The following ENPP1 variants were observed in gnomAD, a reference collection of about 807,000 sequenced individuals.
ENPP1 encodes ectonucleotide pyrophosphatase/phosphodiesterase 1.
ENPP1 carries 73 observed loss-of-function variants against 122.8 expected under a neutral mutation model. The ratio of observed to expected loss-of-function variants is 0.59; its 90% CI spans 0.49 to 0.72. The LOEUF (loss-of-function observed/expected upper bound fraction) is 0.72. ENPP1 is among the 30% of genes least tolerant of loss of function. The probability of loss-of-function intolerance (pLI) is 0.00; values close to 1 mark genes in which losing one functional copy is unlikely to be tolerated. For synonymous variants in ENPP1, 367 were observed against 391.6 expected, an observed-to-expected ratio of 0.94 and a Z score of 0.74; for missense variants, 978 against 1,128.1, an observed-to-expected ratio of 0.87 and a Z score of 1.91.
At chr6:131,855,974 C>T in intron 6 of ENPP1, among the ~76,000 whole-genome samples, 1 of 151,886 alleles carries the variant, frequency 6.6e-6, no homozygotes, top group East Asian at 1.9e-4. Context: ...TATTGCTTAC[C>T]AGATTTGAGT....
Position 131,886,591 on chromosome 6 carries a change from T to C in ENPP1, c.2474T>C (p.Ile825Thr). Residue 825 changes from isoleucine to threonine, a missense_variant, in exon 24 of 25, where the codon ATT (isoleucine) becomes ACT (threonine). By Grantham distance (89) the Ile-to-Thr change is moderately conservative. Coordinates refer to ENST00000647893, the MANE Select transcript of ENPP1 (RefSeq NM_006208.3). ...AGAAGAGTCATCCGTAACCAAGAAA[T>C]TTTGATTCCAACTCACTTCTTTATT... is the stretch of plus-strand genomic sequence containing the variant. ...QKRRVIRNQE[I>T]LIPTHFFIVL... The C allele has an allele frequency of 6.2e-7, 1 of 1,613,844 alleles. No homozygotes were observed. The highest frequency in any genetic ancestry group is 8.5e-7 in the Non-Finnish European group (1 of 1,179,752).
intron 23 of ENPP1, 80 bp downstream of exon 23, chr6:131,885,143 G>A (rs1339526767): frequency 7.1e-6 from 10 of 1,406,176 alleles, no homozygotes; most frequent in Non-Finnish European, 1.0e-5. Context: ...TGAGTCAACA[G>A]AACCTTTTTT....
At chr6:131,824,930 C>T (rs9375829) in intron 1 of ENPP1, among the ~76,000 whole-genome samples, 14,082 of 152,050 alleles carry the variant, frequency 0.093, 774 homozygotes, top group South Asian at 0.22. Flanking sequence ...TGTCGTGGCA[C>T]ACACCTGTAA....
rs529312291 is a variant in ENPP1 at position 131,891,094 on chromosome 6, T to C, written c.*583T>C. The stretch of plus-strand genomic sequence containing the variant: ...TCCAAGTTATTAATCTTATGTGTTT[T>C]CTTTTTAATTTTTTGATTGGATTTC... On this transcript the variant is annotated 3_prime_UTR_variant, in exon 25 of 25. Coordinates refer to ENST00000647893, the MANE Select transcript of ENPP1 (RefSeq NM_006208.3). The C allele has an allele frequency of 3.3e-5, 5 of 152,638 alleles. No individual in the cohort carries two copies. Among genetic ancestry groups the C allele is most frequent in the South Asian group, 2.1e-4 (1 of 4,844 alleles). The allele number at this position is 152,638 out of a possible 1,614,324, so 9.5% of individuals were successfully genotyped here.
At chr6:131,864,355 A>G in intron 9 of ENPP1, 151 bp from the exon 10 acceptor site, 2 of 634,780 alleles carry the variant, frequency 3.2e-6, no homozygotes, top group Admixed American at 2.9e-5. Flanking sequence ...CATTGGGAAA[A>G]TAAAGTTTTC....
intron 11 of ENPP1, among the ~76,000 whole-genome samples, chr6:131,866,931 A>T (rs1326405454): frequency 1.3e-5 from 2 of 152,368 alleles, no homozygotes; most frequent in East Asian, 3.9e-4. Context: ...TTGGCTACAG[A>T]AAAATCCCAG....
chr6:131,870,123 TAA>T (rs1163694824), intron 13 of ENPP1, among the ~76,000 whole-genome samples: 2 of 152,256 alleles, frequency 1.3e-5, no homozygotes, highest in East Asian at 3.9e-4. Flanking sequence ...AAAAAATGTT[TAA>T]GAGAGAAATC....
chr6:131,821,513 G>C (rs1375606795), intron 1 of ENPP1, among the ~76,000 whole-genome samples: 1 of 152,218 alleles, frequency 6.6e-6, no homozygotes, highest in Non-Finnish European at 1.5e-5. Context: ...TGCACATACA[G>C]AACATGGCAC....
intron 1 of ENPP1, chr6:131,827,659 A>G: frequency 1.6e-6 from 1 of 630,692 alleles, no homozygotes; most frequent in South Asian, 1.6e-5. Flanking sequence ...ACTATAAATG[A>G]TGTCCTTCTG....
chr6:131,890,849 T>A lies in ENPP1; in HGVS notation c.*338T>A. On this transcript the variant is annotated 3_prime_UTR_variant, in exon 25 of 25. Transcript: ENST00000647893. ...TACCAGATATTTGAATCTTTCTTAC[T>A]ATTGGTAATAAACCTTGATGGCATT... is the stretch of plus-strand genomic sequence containing the variant. 10 of 315,214 alleles carry A rather than the reference T, an allele frequency of 3.2e-5. No individual in the cohort carries two copies. Among genetic ancestry groups the A allele is most frequent in the South Asian group, 3.1e-4 (9 of 28,962 alleles). The allele number at this position is 315,214 out of a possible 1,614,324, so 19.5% of individuals were successfully genotyped here. A position where few individuals can be genotyped will look rare whatever the true frequency, so the allele number is the denominator to read the frequency against.
chr6:131,839,039 A>C (rs1054425453), intron 1 of ENPP1, among the ~76,000 whole-genome samples: 1 of 152,158 alleles, frequency 6.6e-6, no homozygotes, highest in Non-Finnish European at 1.5e-5. Context: ...CTAAACCTCC[A>C]AGGAGAAACG....
At chr6:131,888,158 G>A (rs992577587) in intron 24 of ENPP1, among the ~76,000 whole-genome samples, 17 of 151,760 alleles carry the variant, frequency 1.1e-4, no homozygotes, top group African/African-American at 3.2e-4. Context: ...CACTGTGCCC[G>A]GCCCATTTTA....
intron 13 of ENPP1, 88 bp from the exon 14 acceptor site, chr6:131,871,982 A>C (rs2114714346): frequency 1.0e-6 from 1 of 982,150 alleles, no homozygotes; most frequent in East Asian, 2.4e-5. Context: ...TTAAATGCAG[A>C]GTTTGGATCT....
In ENPP1 at chr6:131,855,141, G is replaced by A. The variant is rs1781929669; in HGVS notation, c.715+118G>A. ...TAACTGTTTCACTAAACTTTTCTAT[G>A]GCAAAGTAGTTGAACCTTGTGTAAG... On this transcript the variant is annotated intron_variant, in intron 6 of 24. Transcript: ENST00000647893. The A allele has an allele frequency of 2.2e-5, 17 of 778,686 alleles. 1 individual carries two copies. In the South Asian group the frequency reaches 2.4e-4, roughly 11 times the overall value. The allele number at this position is 778,686 out of a possible 1,614,324, so 48.2% of individuals were successfully genotyped here.
intron 1 of ENPP1, among the ~76,000 whole-genome samples, chr6:131,818,194 G>A (rs112327032): frequency 5.7e-4 from 87 of 152,044 alleles, no homozygotes; most frequent in African/African-American, 2.0e-3. Context: ...TCACTGTGTT[G>A]ACTTTTACAC....
At position 131,887,719 on chromosome 6, in the gene ENPP1, C is replaced by T. The variant is rs1231639903; in HGVS notation, c.2607+995C>T. Among the ~76,000 whole-genome samples, 70 of 139,292 alleles carry T rather than the reference C, an allele frequency of 5.0e-4. 1 individual carries two copies. Among genetic ancestry groups the T allele is most frequent in the Non-Finnish European group, 7.7e-4 (50 of 64,692 alleles). 91.4% of individuals were successfully genotyped at this position (139,292 alleles called of 152,430 possible). A position where few individuals can be genotyped will look rare whatever the true frequency, so the allele number is the denominator to read the frequency against. On this transcript the variant is annotated intron_variant, in intron 24 of 24. Coordinates refer to ENST00000647893, the MANE Select transcript of ENPP1 (RefSeq NM_006208.3). ...GACTACAGGCGCCCGCCACCACACC[C>T]GGCTAATTTTTTTTTTTTTTTTTTT...
chr6:131,852,268 T>G, intron 5 of ENPP1, 33 bp downstream of exon 5: 4 of 1,384,664 alleles, frequency 2.9e-6, no homozygotes, highest in Non-Finnish European at 4.1e-6. Flanking sequence ...TAATTTTTTC[T>G]TTTTTAGAAG....
At chr6:131,821,511 C>T (rs986783999) in intron 1 of ENPP1, among the ~76,000 whole-genome samples, 12 of 152,234 alleles carry the variant, frequency 7.9e-5, no homozygotes, top group African/African-American at 2.7e-4. Context: ...CTTGCACATA[C>T]AGAACATGGC....
intron 24 of ENPP1, among the ~76,000 whole-genome samples, chr6:131,888,319 A>G (rs1426057802): frequency 1.3e-5 from 2 of 151,668 alleles, no homozygotes; most frequent in Non-Finnish European, 1.5e-5. Context: ...ACCAGTCCCA[A>G]TGAATGGGTG....
Sources: allele counts gnomAD v4.1 joint callset (sites outside exome capture counted in the v4.1 genomes callset), GRCh38; gene constraint gnomAD v4.1.1; transcripts MANE v1.5; gene names NCBI Gene and HGNC (gene_info 2026-07-23, HGNC 2026-07-21).